Variants in GSG1L observed in about 807,000 individuals in gnomAD.
The protein encoded by GSG1L is GSG1 like, also known as germ cell-specific gene 1-like protein.
In GSG1L, 24 loss-of-function variants were observed where a neutral mutation model predicts 42.1. That is an observed-to-expected ratio of 0.57 (90% CI 0.41 to 0.80). GSG1L has a LOEUF of 0.80. Ranked by LOEUF, GSG1L falls within the 30% of genes least tolerant of loss-of-function variation. GSG1L has a pLI of 0.00. For synonymous variants in GSG1L, 215 were observed against 203.5 expected (o/e 1.06, Z -0.48); for missense variants, 445 against 472.2 (o/e 0.94, Z 0.53).
intron 5 of GSG1L, among the ~76,000 whole-genome samples, chr16:27,810,121 G>A (rs761017155): frequency 3.3e-5 from 5 of 152,168 alleles, no homozygotes; most frequent in South Asian, 2.1e-4. Context: ...TGTCTCTTTC[G>A]TAACCTCTGC....
At chr16:27,924,350 G>T (rs994805359) in intron 2 of GSG1L, among the ~76,000 whole-genome samples, 1 of 151,994 alleles carries the variant, frequency 6.6e-6, no homozygotes, top group Non-Finnish European at 1.5e-5. Context: ...CATTACTAAA[G>T]GTTGCAAGAG....
intron 1 of GSG1L, among the ~76,000 whole-genome samples, chr16:27,975,363 AC>A (rs2141119159): frequency 6.6e-6 from 1 of 152,022 alleles, no homozygotes; most frequent in African/African-American, 2.4e-5. Flanking sequence ...TGGATGGAGA[AC>A]AGCTGGCACA....
At chr16:27,871,677 A>G (rs1328519938) in intron 3 of GSG1L, among the ~76,000 whole-genome samples, 4 of 152,202 alleles carry the variant, frequency 2.6e-5, no homozygotes, top group African/African-American at 9.6e-5. Context: ...TGGTCAATCC[A>G]TACAATGGAA....
At chr16:27,943,916 T>C (rs1567528615) in intron 2 of GSG1L, among the ~76,000 whole-genome samples, 1 of 152,156 alleles carries the variant, frequency 6.6e-6, no homozygotes, top group East Asian at 1.9e-4. Context: ...AAATATTTTA[T>C]GTTGTGCAAG....
chr16:27,950,324 G>A (rs1263657957), intron 2 of GSG1L, among the ~76,000 whole-genome samples: 1 of 152,172 alleles, frequency 6.6e-6, no homozygotes. Flanking sequence ...GTGGAAGAGT[G>A]AGCAGGCAAG....
At chr16:27,830,463 A>G (rs1285735031) in intron 4 of GSG1L, among the ~76,000 whole-genome samples, 1 of 150,972 alleles carries the variant, frequency 6.6e-6, no homozygotes, top group Non-Finnish European at 1.5e-5. Flanking sequence ...AAATCTGAGG[A>G]CTCTGCCTTT....
At chr16:28,046,742 C>T (rs900470485) in intron 1 of GSG1L, among the ~76,000 whole-genome samples, 9 of 152,168 alleles carry the variant, frequency 5.9e-5, no homozygotes, top group African/African-American at 1.9e-4. Context: ...GCGCATCAGC[C>T]TTGTCCCTGT....
chr16:27,862,786 G>T (rs1168303604), intron 3 of GSG1L, among the ~76,000 whole-genome samples: 1 of 152,084 alleles, frequency 6.6e-6, no homozygotes, highest in Non-Finnish European at 1.5e-5. Flanking sequence ...CAACACCTAC[G>T]CTCCCCATAT....
At chr16:28,037,815 A>G (rs1287028315) in intron 1 of GSG1L, among the ~76,000 whole-genome samples, 1 of 152,206 alleles carries the variant, frequency 6.6e-6, no homozygotes, top group Non-Finnish European at 1.5e-5. Flanking sequence ...GGACCTGAGT[A>G]TCACGAGGTA....
chr16:27,963,007 G>A (rs544591445), intron 2 of GSG1L, 149 bp downstream of exon 2: 98 of 665,394 alleles, frequency 1.5e-4, no homozygotes, highest in Admixed American at 2.3e-4. Flanking sequence ...GAAACTCAGG[G>A]CTTTGCAACA....
chr16:27,910,202 A>G (rs1002237798), intron 2 of GSG1L, among the ~76,000 whole-genome samples: 2 of 150,934 alleles, frequency 1.3e-5, no homozygotes, highest in Admixed American at 1.3e-4. Flanking sequence ...ACCTCAGACA[A>G]TCTGCCCCCC....
At chr16:27,812,026 C>T (rs1460706642) in intron 5 of GSG1L, among the ~76,000 whole-genome samples, 1 of 152,184 alleles carries the variant, frequency 6.6e-6, no homozygotes, top group Non-Finnish European at 1.5e-5. Context: ...CTGCTGGGAG[C>T]CTCAGCCTTG....
chr16:27,940,883 A>G (rs1282297040), intron 2 of GSG1L, among the ~76,000 whole-genome samples: 1 of 151,754 alleles, frequency 6.6e-6, no homozygotes, highest in East Asian at 1.9e-4. Flanking sequence ...ATAAAATAAA[A>G]ATAAAAAATA....
At chr16:27,938,908 T>C (rs572636942) in intron 2 of GSG1L, among the ~76,000 whole-genome samples, 1 of 152,266 alleles carries the variant, frequency 6.6e-6, no homozygotes, top group Admixed American at 6.5e-5. Flanking sequence ...GTTCTGAGCC[T>C]TCTGAATGTG....
chr16:27,792,456 A>T (rs893653430), intron 6 of GSG1L, among the ~76,000 whole-genome samples: 1 of 151,914 alleles, frequency 6.6e-6, no homozygotes, highest in African/African-American at 2.4e-5. Flanking sequence ...TTGGAAGATC[A>T]CTCCCTTGTC....
In GSG1L at chr16:28,063,197, G is replaced by A. The variant is rs1415122845; in HGVS notation, c.228C>T (p.Ala76=). ...CGCCGCCAGGGGGGCCGTTCCCCGA[G>A]GCGGTGGCGGCGGCGGCGGCGGCGG... The part of the protein sequence containing the change: ...APAAAAAAAT[A]SGNGPPGGAL... Residue 76 remains alanine (A), a synonymous_variant, in exon 1 of 7, where the codon GCC becomes GCT. Transcript: ENST00000447459. The surrounding 1 kb of genome is among the most constrained non-coding windows in gnomAD (Gnocchi z 5.8). 9 of 1,290,506 alleles carry A rather than the reference G, an allele frequency of 7.0e-6. No individual in the cohort carries two copies. Among genetic ancestry groups the A allele is most frequent in the South Asian group, 2.3e-5 (1 of 43,146 alleles). The allele number at this position is 1,290,506 out of a possible 1,614,324, so 79.9% of individuals were successfully genotyped here. A position where few individuals can be genotyped will look rare whatever the true frequency, so the allele number is the denominator to read the frequency against.
intron 1 of GSG1L, among the ~76,000 whole-genome samples, chr16:27,989,753 A>AC (rs36037214): frequency 4.6e-5 from 7 of 151,510 alleles, no homozygotes; most frequent in African/African-American, 9.7e-5. Context: ...AAAAAAAACA[A>AC]CAAACAATTA....
chr16:27,867,565 T>C lies in GSG1L; in HGVS notation c.550+16921A>G, dbSNP rs530821025. 5.3e-4 allele frequency among the ~76,000 whole-genome samples: 80 copies of C among 152,336 alleles called. 1 individual carries two copies. The highest frequency in any genetic ancestry group is 1.5e-3 in the African/African-American group (61 of 41,582). ...CAGACAGGAGTTAGACTCTCCCCAC[T>C]GAGCCCTTGCTCACTGTGTGTCAGA... On this transcript the variant is annotated intron_variant, in intron 3 of 6. Coordinates refer to ENST00000447459, the MANE Select transcript of GSG1L (RefSeq NM_001109763.2).
At chr16:27,991,893 A>G (rs2141135624) in intron 1 of GSG1L, among the ~76,000 whole-genome samples, 1 of 152,212 alleles carries the variant, frequency 6.6e-6, no homozygotes, top group South Asian at 2.1e-4. Context: ...AATCTATACC[A>G]TACCAAGCGT....
Sources: gnomAD v4.1 joint callset for allele counts (sites outside exome capture counted in the v4.1 genomes callset) on GRCh38, gnomAD v4.1.1 for gene constraint, Gnocchi (gnomAD v3.1) non-coding constraint, MANE v1.5 for transcripts, NCBI Gene and HGNC (gene_info 2026-07-23, HGNC 2026-07-21) for gene names.